Variants in COL14A1 observed in about 807,000 individuals in gnomAD.
COL14A1 encodes the protein collagen alpha-1(XIV) chain.
A neutral mutation model predicts 230.3 loss-of-function variants in COL14A1; 136 were observed. The ratio of observed to expected loss-of-function variants is 0.59; its 90% CI spans 0.51 to 0.68. The LOEUF is 0.68. COL14A1 is among the 30% of genes least tolerant of loss of function. COL14A1 has a pLI of 0.00. For missense variants in COL14A1, 1,976 were observed against 2,215.8 expected (o/e 0.89, Z 2.17); for synonymous variants, 792 against 784.1 (o/e 1.01, Z -0.17).
intron 14 of COL14A1, among the ~76,000 whole-genome samples, chr8:120,220,327 G>A (rs1817889670): frequency 6.7e-6 from 1 of 148,358 alleles, no homozygotes; most frequent in Admixed American, 6.8e-5. Context: ...AGGCTGGAGT[G>A]CAGTGGCACG....
rs529089558 is a variant in COL14A1 at position 120,371,323 on chromosome 8, G to C, written c.*92G>C. ...GTTATGTGGTTTGTATGCTACTTTTGGGGGGCAGGGCTCATTTCAGCAGCC... is the reference window on the plus strand; with the variant it reads ...GTTATGTGGTTTGTATGCTACTTTTCGGGGGCAGGGCTCATTTCAGCAGCC... On this transcript the variant is annotated 3_prime_UTR_variant, in exon 48 of 48. Transcript: ENST00000297848. 202 of 890,810 alleles carry C rather than the reference G, an allele frequency of 2.3e-4. No homozygotes were observed. In the African/African-American group the frequency reaches 3.1e-3, roughly 13 times the overall value. The allele number at this position is 890,810 out of a possible 1,614,324, so 55.2% of individuals were successfully genotyped here.
At chr8:120,355,074 G>A (rs897651220) in intron 45 of COL14A1, among the ~76,000 whole-genome samples, 9 of 152,134 alleles carry the variant, frequency 5.9e-5, no homozygotes, top group African/African-American at 1.2e-4. Context: ...ACTGAACCGT[G>A]ACAATCCAGT....
chr8:120,366,089 A>G (rs1238132784), intron 45 of COL14A1, among the ~76,000 whole-genome samples: 1 of 152,190 alleles, frequency 6.6e-6, no homozygotes, highest in East Asian at 1.9e-4. Flanking sequence ...TACTACATCA[A>G]CACTTTTCTT....
intron 36 of COL14A1, among the ~76,000 whole-genome samples, chr8:120,309,780 T>G (rs1820972429): frequency 6.6e-6 from 1 of 152,164 alleles, no homozygotes; most frequent in East Asian, 1.9e-4. Flanking sequence ...TTTTTCAATA[T>G]TTAAAAAGAA....
chr8:120,207,600 G>A, intron 10 of COL14A1, among the ~76,000 whole-genome samples: 1 of 151,486 alleles, frequency 6.6e-6, no homozygotes, highest in East Asian at 2.0e-4. Context: ...TTTATGGCTT[G>A]GCCAACACAG....
intron 1 of COL14A1, among the ~76,000 whole-genome samples, chr8:120,141,876 C>T (rs1177245175): frequency 6.6e-6 from 1 of 152,058 alleles, no homozygotes; most frequent in Admixed American, 6.5e-5. Flanking sequence ...TTATGGGTAT[C>T]TTTTAACATT....
intron 36 of COL14A1, among the ~76,000 whole-genome samples, chr8:120,302,108 T>A (rs964785792): frequency 3.9e-5 from 6 of 152,216 alleles, no homozygotes; most frequent in African/African-American, 1.4e-4. Context: ...TAAATTTGTT[T>A]AAGTTCCTAA....
chr8:120,213,334 G>A (rs1817664345), intron 13 of COL14A1, among the ~76,000 whole-genome samples: 1 of 152,144 alleles, frequency 6.6e-6, no homozygotes, highest in South Asian at 2.1e-4. Flanking sequence ...ATAAGAAAGT[G>A]CAGGGAGACT....
chr8:120,223,233 C>T (rs1817987794), intron 14 of COL14A1, among the ~76,000 whole-genome samples: 1 of 152,094 alleles, frequency 6.6e-6, no homozygotes, highest in Non-Finnish European at 1.5e-5. Flanking sequence ...CAATAGACAG[C>T]CAATGAAGGT....
chr8:120,364,291 A>G (rs1219967081), intron 45 of COL14A1, among the ~76,000 whole-genome samples: 6 of 152,206 alleles, frequency 3.9e-5, no homozygotes, highest in African/African-American at 7.2e-5. Context: ...TCACAGGCTG[A>G]TGTTTTAGGA....
At chr8:120,129,248 C>G (rs1177350266) in intron 1 of COL14A1, among the ~76,000 whole-genome samples, 1 of 152,160 alleles carries the variant, frequency 6.6e-6, no homozygotes. Flanking sequence ...GGAAGAGCAC[C>G]TGACCCCAGA....
Position 120,226,628 on chromosome 8 carries a change from G to A in COL14A1, c.1866G>A (p.Glu622=). The A allele has an allele frequency of 6.2e-7, 1 of 1,612,198 alleles. No individual in the cohort carries two copies. Among genetic ancestry groups the A allele is most frequent in the Non-Finnish European group, 8.5e-7 (1 of 1,178,900 alleles). The stretch of plus-strand genomic sequence containing the variant: ...AAAACCTCCTTCCTCGGTTTACAGA[G>A]GAAGTTCCAGCCCAGCAATACTTAG... ...SEPLTGVFTT[E]EVPAQQYLEI... is the part of the protein sequence containing the mutation. The change falls in exon 16 of 48, where the codon GAG becomes GAA. Residue 622 remains glutamate (E), a splice_region_variant and synonymous_variant. Coordinates refer to ENST00000297848, the MANE Select transcript of COL14A1 (RefSeq NM_021110.4).
intron 34 of COL14A1, among the ~76,000 whole-genome samples, chr8:120,293,875 T>A (rs1586838445): frequency 6.7e-6 from 1 of 148,402 alleles, no homozygotes; most frequent in East Asian, 1.9e-4. Flanking sequence ...AGCTATGAAT[T>A]TTATTTTCTA....
intron 33 of COL14A1, among the ~76,000 whole-genome samples, chr8:120,288,151 T>C (rs1476141656): frequency 1.3e-5 from 2 of 152,076 alleles, no homozygotes; most frequent in African/African-American, 2.4e-5. Context: ...TATTGGAAAG[T>C]GTTCTAAGGC....
chr8:120,311,365 T>A (rs57457780), intron 37 of COL14A1, among the ~76,000 whole-genome samples: 3,117 of 152,266 alleles, frequency 0.02, 115 homozygotes, highest in African/African-American at 0.071. Context: ...ATGACCCCAG[T>A]GTTTTCTAAC....
intron 6 of COL14A1, 82 bp downstream of exon 6, chr8:120,197,028 CT>C: frequency 7.2e-7 from 1 of 1,386,430 alleles, no homozygotes; most frequent in Non-Finnish European, 1.0e-6. Context: ...TCAAAAATTC[CT>C]TACAAAGTGA....
In COL14A1 at chr8:120,172,433, G is replaced by C. The variant is rs1458650297; in HGVS notation, c.436+4186G>C. On this transcript the variant is annotated intron_variant, in intron 5 of 47. Transcript: ENST00000297848. ...CCCAAAGTGCTGGGATTACAGGCAT[G>C]AGCCACCGCAGCCGGTTAGGGTTAA... Among the ~76,000 whole-genome samples the C allele has an allele frequency of 2.0e-5, 3 of 152,286 alleles. No homozygotes were observed. In the East Asian group the frequency reaches 5.8e-4, roughly 29 times the overall value.
chr8:120,130,013 C>A (rs1317258249), intron 1 of COL14A1, among the ~76,000 whole-genome samples: 1 of 152,184 alleles, frequency 6.6e-6, no homozygotes, highest in East Asian at 1.9e-4. Context: ...GGGACAGATG[C>A]AGTTCATCAG....
At position 120,238,899 on chromosome 8, in the gene COL14A1, G is replaced by A. The variant is rs141727531; in HGVS notation, c.2350-4980G>A. On this transcript the variant is annotated intron_variant, in intron 19 of 47. Coordinates refer to ENST00000297848, the MANE Select transcript of COL14A1 (RefSeq NM_021110.4). ...CTTTGTGCTTCCTGGATGAGGCGAC[G>A]TCCCACCCTGCTTATGCTCACCCTC... Among the ~76,000 whole-genome samples, 26 of 152,236 alleles carry A rather than the reference G, an allele frequency of 1.7e-4. 1 individual carries two copies. In the East Asian group the frequency reaches 4.3e-3, roughly 25 times the overall value.
Sources: allele counts gnomAD v4.1 joint callset (sites outside exome capture counted in the v4.1 genomes callset), GRCh38; gene constraint gnomAD v4.1.1; transcripts MANE v1.5; gene names NCBI Gene and HGNC (gene_info 2026-07-23, HGNC 2026-07-21).